Variants in TMEM184B observed in about 807,000 individuals in gnomAD.
TMEM184B encodes the protein putative MAPK-activating protein FM08.
In TMEM184B, 17 loss-of-function variants were observed where a neutral mutation model predicts 41.8. The ratio of observed to expected loss-of-function variants is 0.41; its 90% CI spans 0.28 to 0.61. The LOEUF is 0.61. TMEM184B is among the 20% of genes least tolerant of loss of function. The pLI is 0.34. For missense variants in TMEM184B, 393 were observed against 557.8 expected (o/e 0.70, Z 2.98); for synonymous variants, 240 against 229.5 (o/e 1.05, Z -0.41).
intron 1 of TMEM184B, among the ~76,000 whole-genome samples, chr22:38,265,864 T>C (rs1254182916): frequency 6.6e-6 from 1 of 152,100 alleles, no homozygotes; most frequent in African/African-American, 2.4e-5. Flanking sequence ...AGCGGCGCCA[T>C]GGGGTTAGTT....
In TMEM184B at chr22:38,247,797, C is replaced by T; in HGVS notation, c.165G>A (p.Trp55Ter). ...GGTGGCATGTGATGAGCAGGGCCGT[C>T]CACACGAAGAAGCCAGAGATGGCCT... ...AAQAISGFFV[W>*]TALLITCHQI... Residue 55 changes from tryptophan to a stop codon, truncating the protein, a stop_gained, in exon 2 of 9, where the codon TGG becomes TGA. Transcript: ENST00000361906. LOFTEE classifies it high-confidence loss of function. The T allele has an allele frequency of 6.2e-7, 1 of 1,613,950 alleles. No homozygotes were observed. Among genetic ancestry groups the T allele is most frequent in the South Asian group, 1.1e-5 (1 of 91,050 alleles).
chr22:38,272,425 C>A, intron 1 of TMEM184B: 1 of 975,414 alleles, frequency 1.0e-6, no homozygotes, highest in Non-Finnish European at 1.2e-6. Context: ...ACGACGCAGC[C>A]CCGAAAGCCC....
intron 1 of TMEM184B, among the ~76,000 whole-genome samples, chr22:38,254,730 A>C (rs2092244361): frequency 6.6e-6 from 1 of 152,240 alleles, no homozygotes; most frequent in African/African-American, 2.4e-5. Flanking sequence ...ATATACCTAT[A>C]AAATAAAAAA....
At chr22:38,250,182 G>T (rs547657074) in intron 1 of TMEM184B, among the ~76,000 whole-genome samples, 43 of 152,328 alleles carry the variant, frequency 2.8e-4, no homozygotes, top group African/African-American at 1.0e-3. Context: ...TGGGTGCGGC[G>T]GCCTGCAGCC....
rs1289518121 is a variant in TMEM184B at position 38,225,285 on chromosome 22, A to G, written c.787+139T>C. On this transcript the variant is annotated intron_variant, in intron 7 of 8. Coordinates refer to ENST00000361906, the MANE Select transcript of TMEM184B (RefSeq NM_012264.5). This position sits in a 1 kb window ranked among gnomAD's most constrained non-coding sequence, Gnocchi z 4.4. ...AAAGGCCCTCGAGGGCTCAGATTTC[A>G]CCCCCAGCAAGTGCCCAGTGGGCTG... 1.7e-5 allele frequency: 20 copies of G among 1,156,672 alleles called. 1 individual carries two copies. Among genetic ancestry groups the G allele is most frequent in the Non-Finnish European group, 2.3e-5 (19 of 836,238 alleles). The allele number at this position is 1,156,672 out of a possible 1,614,324, so 71.7% of individuals were successfully genotyped here.
intron 1 of TMEM184B, among the ~76,000 whole-genome samples, chr22:38,257,998 AT>A (rs1327365585): frequency 2.0e-5 from 3 of 152,128 alleles, no homozygotes; most frequent in African/African-American, 7.2e-5. Flanking sequence ...CAGAAAACAA[AT>A]TCAAGGACCC....
At chr22:38,259,044 C>T (rs1163050120) in intron 1 of TMEM184B, among the ~76,000 whole-genome samples, 2 of 152,296 alleles carry the variant, frequency 1.3e-5, no homozygotes, top group South Asian at 2.1e-4. Context: ...CCCAAGACTG[C>T]CCCACCTCCC....
At chr22:38,217,000 T>C (rs959963056), downstream of TMEM184B, among the ~76,000 whole-genome samples, 18 of 151,334 alleles carry the variant, frequency 1.2e-4, no homozygotes, top group Non-Finnish European at 2.1e-4. Context: ...CTGGGCAACA[T>C]AGCAAGACCC....
intron 1 of TMEM184B, among the ~76,000 whole-genome samples, chr22:38,266,022 C>T (rs1003435380): frequency 2.6e-5 from 4 of 152,170 alleles, no homozygotes; most frequent in African/African-American, 4.8e-5. Flanking sequence ...GTACCAAGCT[C>T]CACACACGTC....
chr22:38,224,989 G>A lies in TMEM184B; in HGVS notation c.788-10C>T, dbSNP rs781638575. 4 of 1,546,812 alleles carry A rather than the reference G, an allele frequency of 2.6e-6. No homozygotes were observed. The highest frequency in any genetic ancestry group is 3.5e-6 in the Non-Finnish European group (4 of 1,145,248). On this transcript the variant is annotated splice_polypyrimidine_tract_variant and intron_variant, in intron 7 of 8. Transcript: ENST00000361906. ...ATGGCCAGGAGCATGCCTGGATGGG[G>A]AGGCACGGGTGTCTGGACCCAGAAT...
intron 1 of TMEM184B, among the ~76,000 whole-genome samples, chr22:38,259,230 G>C (rs550519066): frequency 6.6e-6 from 1 of 152,314 alleles, no homozygotes; most frequent in East Asian, 1.9e-4. Flanking sequence ...TCATGTTTGA[G>C]GGACACCTTA....
intron 1 of TMEM184B, among the ~76,000 whole-genome samples, chr22:38,253,736 T>C (rs1277676855): frequency 1.3e-5 from 2 of 152,164 alleles, no homozygotes; most frequent in Non-Finnish European, 2.9e-5. Flanking sequence ...CAAGTGTTCT[T>C]AGACTTGACA....
downstream of TMEM184B, among the ~76,000 whole-genome samples, chr22:38,217,334 A>AAATTAGCCGGGCATGGTGGCGGGCGC (rs1569002053): frequency 4.6e-5 from 4 of 87,318 alleles, no homozygotes; most frequent in African/African-American, 6.6e-5. Context: ...AATACAAAAA[A>AAATTAGCCGGGCATGGTGGCGGGCGC]CAACAACAAC....
intron 1 of TMEM184B, chr22:38,272,486 C>G (rs934450013): frequency 2.0e-6 from 2 of 985,634 alleles, no homozygotes; most frequent in Non-Finnish European, 2.4e-6. Flanking sequence ...GCACGGACGC[C>G]TCCCCCACTC....
intron 1 of TMEM184B, among the ~76,000 whole-genome samples, chr22:38,269,026 T>C (rs911467055): frequency 6.6e-6 from 1 of 152,266 alleles, no homozygotes; most frequent in Non-Finnish European, 1.5e-5. Context: ...TACTCCCATC[T>C]TACAGATGAA....
chr22:38,223,587 A>G (rs1355659318), intron 8 of TMEM184B: 1 of 152,290 alleles, frequency 6.6e-6, no homozygotes, highest in East Asian at 1.9e-4. Flanking sequence ...CACACCACCC[A>G]CCACGGAGCC....
chr22:38,256,079 G>C (rs2092273423), intron 1 of TMEM184B, among the ~76,000 whole-genome samples: 1 of 152,202 alleles, frequency 6.6e-6, no homozygotes, highest in African/African-American at 2.4e-5. Flanking sequence ...GGCTGGGCAT[G>C]GTGGCTCACG....
downstream of TMEM184B, among the ~76,000 whole-genome samples, chr22:38,218,510 ATGGCTGGGTATGGGGC>A (rs60070667): frequency 0.38 from 55,207 of 145,570 alleles, 10,793 homozygotes; most frequent in African/African-American, 0.54. Flanking sequence ...GGCCAACTCT[ATGGCTGGGTATGGGGC>A]TGGCTGGGTA....
At chr22:38,218,482 T>C (rs1485722021), downstream of TMEM184B, among the ~76,000 whole-genome samples, 2 of 151,972 alleles carry the variant, frequency 1.3e-5, no homozygotes, top group Admixed American at 1.3e-4. Context: ...ACATTTACAG[T>C]GGCACAGACC....
Sources: allele counts gnomAD v4.1 joint callset (sites outside exome capture counted in the v4.1 genomes callset), GRCh38; gene constraint gnomAD v4.1.1; non-coding constraint Gnocchi (gnomAD v3.1); transcripts MANE v1.5; gene names NCBI Gene and HGNC (gene_info 2026-07-23, HGNC 2026-07-21).